RAPGEF6: variants seen among roughly 807,000 people sequenced by gnomAD.
RAPGEF6 encodes PDZ domain containing guanine nucleotide exchange factor (GEF) 2.
RAPGEF6 carries 56 observed loss-of-function variants against 171.4 expected under a neutral mutation model. That is an observed-to-expected ratio of 0.33 (90% CI 0.26 to 0.41). The LOEUF (loss-of-function observed/expected upper bound fraction) is 0.41, where lower values mean the gene tolerates loss of function less well. RAPGEF6 is among the 10% of genes least tolerant of loss of function. The pLI, the probability that RAPGEF6 is intolerant of heterozygous loss-of-function variation, is 1.00. For missense variants in RAPGEF6, 1,674 were observed against 1,921.4 expected, an observed-to-expected ratio of 0.87 and a Z score of 2.41; for synonymous variants, 692 against 650.1, an observed-to-expected ratio of 1.06 and a Z score of -0.98.
intron 6 of RAPGEF6, among the ~76,000 whole-genome samples, chr5:131,546,686 T>G (rs4706023): frequency 6.6e-6 from 1 of 151,958 alleles, no homozygotes; most frequent in African/African-American, 2.4e-5. Context: ...TTATAGCATA[T>G]TATTATAATG....
chr5:131,614,430 T>A (rs1388336215), intron 1 of RAPGEF6, among the ~76,000 whole-genome samples: 1 of 151,300 alleles, frequency 6.6e-6, no homozygotes, highest in Non-Finnish European at 1.5e-5. Context: ...AAAATCATGG[T>A]GGAAGGTGAA....
intron 1 of RAPGEF6, among the ~76,000 whole-genome samples, chr5:131,625,195 G>A (rs1201201659): frequency 6.6e-6 from 1 of 152,216 alleles, no homozygotes; most frequent in African/African-American, 2.4e-5. Context: ...CCGGGAGGCA[G>A]AGGTTGCGGT....
intron 17 of RAPGEF6, among the ~76,000 whole-genome samples, chr5:131,470,645 C>T (rs771269063): frequency 3.3e-5 from 5 of 152,282 alleles, no homozygotes; most frequent in South Asian, 2.1e-4. Flanking sequence ...GAATGTTCTA[C>T]GTAGTGTGAA....
intron 20 of RAPGEF6, among the ~76,000 whole-genome samples, chr5:131,455,561 C>A (rs188729152): frequency 6.6e-6 from 1 of 152,092 alleles, no homozygotes; most frequent in Non-Finnish European, 1.5e-5. Context: ...TCCAGCTGAG[C>A]AAATGGAATT....
intron 6 of RAPGEF6, among the ~76,000 whole-genome samples, chr5:131,539,704 G>A (rs1760008019): frequency 6.6e-6 from 1 of 152,204 alleles, no homozygotes; most frequent in Admixed American, 6.5e-5. Context: ...GTGATGTGGT[G>A]TCCTAATAAT....
At chr5:131,595,837 T>C (rs536544180) in intron 3 of RAPGEF6, among the ~76,000 whole-genome samples, 1 of 39,720 alleles carries the variant, frequency 2.5e-5, no homozygotes, top group African/African-American at 1.1e-4. Flanking sequence ...CTCACCTCAC[T>C]GTTAAAGACA....
intron 1 of RAPGEF6, among the ~76,000 whole-genome samples, chr5:131,606,586 T>C (rs1280412387): frequency 6.6e-6 from 1 of 152,222 alleles, no homozygotes; most frequent in Non-Finnish European, 1.5e-5. Context: ...GTAAACTGTA[T>C]TTCCAAAGAT....
intron 1 of RAPGEF6, among the ~76,000 whole-genome samples, chr5:131,625,590 T>C (rs11749679): frequency 0.78 from 118,275 of 151,966 alleles, 46,341 homozygotes; most frequent in African/African-American, 0.83. Flanking sequence ...CCGAGGTGGG[T>C]GGATCACGAG....
chr5:131,428,275 T>C (rs1313120089), intron 27 of RAPGEF6, among the ~76,000 whole-genome samples: 1 of 152,112 alleles, frequency 6.6e-6, no homozygotes, highest in East Asian at 1.9e-4. Flanking sequence ...GAGCCAGGCA[T>C]GCTGGTGTGC....
chr5:131,617,329 T>C (rs942647502), intron 1 of RAPGEF6, among the ~76,000 whole-genome samples: 9 of 152,224 alleles, frequency 5.9e-5, no homozygotes, highest in Non-Finnish European at 1.0e-4. Context: ...CAATTTGGAC[T>C]CTGGAGACAA....
chr5:131,428,652 G>A (rs2149803264), intron 27 of RAPGEF6, among the ~76,000 whole-genome samples: 1 of 152,044 alleles, frequency 6.6e-6, no homozygotes, highest in Middle Eastern at 3.4e-3. Context: ...AGTAGAGACG[G>A]GGTTTCTCCA....
chr5:131,522,528 C>A (rs904489146), intron 6 of RAPGEF6, among the ~76,000 whole-genome samples: 1 of 152,122 alleles, frequency 6.6e-6, no homozygotes, highest in Non-Finnish European at 1.5e-5. Flanking sequence ...ATTATGTTAT[C>A]TCAAGAGGAG....
At chr5:131,622,844 C>T (rs1029120509) in intron 1 of RAPGEF6, among the ~76,000 whole-genome samples, 1 of 152,184 alleles carries the variant, frequency 6.6e-6, no homozygotes, top group African/African-American at 2.4e-5. Flanking sequence ...AATCTTTGTT[C>T]TGCCAACCAG....
intron 15 of RAPGEF6, among the ~76,000 whole-genome samples, chr5:131,489,152 C>T (rs1756119655): frequency 6.6e-6 from 1 of 152,158 alleles, no homozygotes; most frequent in Non-Finnish European, 1.5e-5. Flanking sequence ...CATATTACTT[C>T]AGAAAGCTGG....
intron 14 of RAPGEF6, among the ~76,000 whole-genome samples, chr5:131,491,136 T>C (rs1386148095): frequency 6.6e-6 from 1 of 152,152 alleles, no homozygotes; most frequent in Non-Finnish European, 1.5e-5. Flanking sequence ...GATTACAGGA[T>C]TCTAGCTATT....
chr5:131,602,868 C>T (rs1764338063), intron 3 of RAPGEF6, among the ~76,000 whole-genome samples: 1 of 152,108 alleles, frequency 6.6e-6, no homozygotes, highest in African/African-American at 2.4e-5. Flanking sequence ...TATTGTACAG[C>T]AGTGAAAAAG....
Position 131,479,719 on chromosome 5 carries a change from C to G in RAPGEF6, c.1875G>C (p.Glu625Asp), listed in dbSNP as rs776868015. Residue 625 changes from glutamate (E) to aspartate (D), a missense_variant, in exon 16 of 28, where the codon GAG becomes GAC. Coordinates refer to ENST00000509018, the MANE Select transcript of RAPGEF6 (RefSeq NM_016340.6). ...FKELLFRTEQ[E>D]KSGVPHIPKI... is the part of the protein sequence containing the mutation. ...TGGGAATATGAGGAACACCAGATTT[C>G]TCTTGTTCAGTCCTAAAAAGTAACT... The G allele has an allele frequency of 6.2e-7, 1 of 1,613,804 alleles. No homozygotes were observed. Among genetic ancestry groups the G allele is most frequent in the Admixed American group, 1.7e-5 (1 of 60,004 alleles).
intron 4 of RAPGEF6, among the ~76,000 whole-genome samples, chr5:131,573,892 C>T (rs1169344394): frequency 6.6e-6 from 1 of 152,190 alleles, no homozygotes; most frequent in Non-Finnish European, 1.5e-5. Context: ...CCACTCCTGA[C>T]ATTAGGAAAA....
At chr5:131,510,142 C>A (rs544697710) in intron 8 of RAPGEF6, among the ~76,000 whole-genome samples, 172 bp downstream of exon 8, 2 of 152,262 alleles carry the variant, frequency 1.3e-5, no homozygotes, top group Admixed American at 1.3e-4. Context: ...ATGGGAGATA[C>A]CAAGCCAGAA....
Sources: gnomAD v4.1 joint callset for allele counts (sites outside exome capture counted in the v4.1 genomes callset) on GRCh38, gnomAD v4.1.1 for gene constraint, MANE v1.5 for transcripts, NCBI Gene and HGNC (gene_info 2026-07-23, HGNC 2026-07-21) for gene names.